The following ADGRB3 variants were observed in gnomAD, a reference collection of about 807,000 sequenced individuals.
ADGRB3 encodes the protein brain-specific angiogenesis inhibitor 3.
In ADGRB3, 37 loss-of-function variants were observed where a neutral mutation model predicts 193.4. The ratio of observed to expected loss-of-function variants is 0.19; its 90% CI spans 0.15 to 0.25. The LOEUF is 0.25. Ranked by LOEUF, ADGRB3 falls within the 10% of genes least tolerant of loss-of-function variation. The probability of loss-of-function intolerance (pLI) is 1.00; values close to 1 mark genes in which losing one functional copy is unlikely to be tolerated. For synonymous variants in ADGRB3, 690 were observed against 644.2 expected, an observed-to-expected ratio of 1.07 and a Z score of -1.08; for missense variants, 1,637 against 1,852.9, an observed-to-expected ratio of 0.88 and a Z score of 2.14.
intron 3 of ADGRB3, among the ~76,000 whole-genome samples, chr6:68,865,543 C>G (rs1356421334): frequency 6.6e-6 from 1 of 152,130 alleles, no homozygotes; most frequent in Non-Finnish European, 1.5e-5. Context: ...CAAGATCATA[C>G]TAAAACATTA....
chr6:69,016,708 A>G (rs1770102108), intron 12 of ADGRB3, among the ~76,000 whole-genome samples: 1 of 151,898 alleles, frequency 6.6e-6, no homozygotes. Flanking sequence ...TGGATCTTTA[A>G]GCTTGTAGGA....
In ADGRB3 at chr6:69,339,335, C is replaced by T. The variant is rs749140448; in HGVS notation, c.3290C>T (p.Ala1097Val). The T allele has an allele frequency of 1.2e-6, 2 of 1,613,438 alleles. No homozygotes were observed. The highest frequency in any genetic ancestry group is 1.1e-5 in the South Asian group (1 of 91,016). ...TGTTACTTTCTTGGTCTCAACAGGG[C>T]GTCTCTTTGGAGCTCCTGTGTGGTG... is the stretch of plus-strand genomic sequence containing the variant. ...LSATTASNAMASLWSSCVVLP... is the reference protein window; with the variant it reads ...LSATTASNAMVSLWSSCVVLP... Residue 1097 changes from alanine (A) to valine (V), a missense_variant and splice_region_variant, in exon 26 of 32, where the codon GCG becomes GTG. By Grantham distance (64) the Ala-to-Val change is moderately conservative. Coordinates refer to ENST00000370598, the MANE Select transcript of ADGRB3 (RefSeq NM_001704.3).
chr6:69,193,990 A>G (rs1582534632), intron 17 of ADGRB3, among the ~76,000 whole-genome samples: 1 of 152,074 alleles, frequency 6.6e-6, no homozygotes, highest in South Asian at 2.1e-4. Flanking sequence ...CTTCTTCATC[A>G]TCATTCATTT....
At chr6:68,769,069 G>A (rs576051557) in intron 3 of ADGRB3, among the ~76,000 whole-genome samples, 132 of 152,284 alleles carry the variant, frequency 8.7e-4, no homozygotes, top group Non-Finnish European at 5.4e-4. Flanking sequence ...GGAGAAATAG[G>A]AATGCTTTTA....
intron 17 of ADGRB3, among the ~76,000 whole-genome samples, chr6:69,196,940 G>A (rs561085576): frequency 1.3e-5 from 2 of 152,248 alleles, no homozygotes; most frequent in African/African-American, 4.8e-5. Flanking sequence ...TTGCAGGCAA[G>A]TTATTTTACC....
chr6:68,786,507 G>A (rs1026987749), intron 3 of ADGRB3, among the ~76,000 whole-genome samples: 2 of 151,470 alleles, frequency 1.3e-5, no homozygotes, highest in Admixed American at 6.6e-5. Context: ...TGTTCCATTG[G>A]TCTATATCTC....
chr6:69,287,229 A>G (rs894240228), intron 20 of ADGRB3, among the ~76,000 whole-genome samples: 1 of 152,160 alleles, frequency 6.6e-6, no homozygotes, highest in African/African-American at 2.4e-5. Context: ...TCAATTTCTG[A>G]GTCCACTCTG....
chr6:68,968,167 T>TA (rs1368087569), intron 8 of ADGRB3, among the ~76,000 whole-genome samples: 1 of 152,148 alleles, frequency 6.6e-6, no homozygotes, highest in Admixed American at 6.6e-5. Context: ...TATTTACTCT[T>TA]ACTCCCCACC....
chr6:69,315,154 G>A (rs1561985051), intron 20 of ADGRB3, among the ~76,000 whole-genome samples: 1 of 151,476 alleles, frequency 6.6e-6, no homozygotes, highest in Non-Finnish European at 1.5e-5. Flanking sequence ...AATATGGATA[G>A]TCATTAGAAA....
At chr6:68,645,882 C>T (rs1482074186) in intron 3 of ADGRB3, among the ~76,000 whole-genome samples, 2 of 151,824 alleles carry the variant, frequency 1.3e-5, no homozygotes, top group African/African-American at 4.8e-5. Context: ...CCATGTTAGC[C>T]AGGCTGGTCT....
chr6:69,221,992 A>G (rs1326250114), intron 17 of ADGRB3, among the ~76,000 whole-genome samples: 2 of 152,192 alleles, frequency 1.3e-5, no homozygotes, highest in African/African-American at 4.8e-5. Context: ...CAGTAAGAAA[A>G]AAAGAAATTC....
chr6:69,003,352 A>G (rs1394298095), intron 11 of ADGRB3, among the ~76,000 whole-genome samples: 2 of 151,962 alleles, frequency 1.3e-5, no homozygotes, highest in Non-Finnish European at 2.9e-5. Flanking sequence ...TATTTTTTTC[A>G]CTTATTATGG....
At position 69,007,705 on chromosome 6, in the gene ADGRB3, A is replaced by T. The variant is rs1219796449; in HGVS notation, c.1930-6333A>T. Reference sequence around the variant, plus strand: ...CTCTCTCTCTCTCTCACACACACACACACACACACACACACACACACACCC... The same window carrying T: ...CTCTCTCTCTCTCTCACACACACACTCACACACACACACACACACACACCC... On this transcript the variant is annotated intron_variant, in intron 11 of 31. Transcript: ENST00000370598. Among the ~76,000 whole-genome samples the T allele has an allele frequency of 9.3e-4, 140 of 151,324 alleles. 1 individual carries two copies. The highest frequency in any genetic ancestry group is 3.2e-3 in the African/African-American group (133 of 41,118).
At chr6:69,367,575 T>C (rs1028354808) in intron 29 of ADGRB3, among the ~76,000 whole-genome samples, 16 of 152,160 alleles carry the variant, frequency 1.1e-4, no homozygotes, top group African/African-American at 3.9e-4. Context: ...TGAGATGGTA[T>C]GTGATTGTGG....
At chr6:69,196,129 A>G (rs1047645326) in intron 17 of ADGRB3, among the ~76,000 whole-genome samples, 2 of 152,138 alleles carry the variant, frequency 1.3e-5, no homozygotes, top group Non-Finnish European at 2.9e-5. Context: ...GTCAGATGTA[A>G]ATTAAACCTT....
At chr6:68,898,053 G>C (rs929395634) in intron 3 of ADGRB3, among the ~76,000 whole-genome samples, 21 of 150,226 alleles carry the variant, frequency 1.4e-4, no homozygotes, top group Admixed American at 1.3e-4. Flanking sequence ...GACAGAGAAA[G>C]AGAGGTTTAT....
At chr6:68,865,951 T>C (rs1185050450) in intron 3 of ADGRB3, among the ~76,000 whole-genome samples, 1 of 152,182 alleles carries the variant, frequency 6.6e-6, no homozygotes, top group Non-Finnish European at 1.5e-5. Context: ...ATATGATTCT[T>C]ACACTACCTC....
chr6:68,990,295 G>A (rs935953789), intron 10 of ADGRB3, among the ~76,000 whole-genome samples: 3 of 152,096 alleles, frequency 2.0e-5, no homozygotes, highest in African/African-American at 4.8e-5. Flanking sequence ...AACTAAATAC[G>A]TTCTGGACAG....
chr6:69,004,707 CTCTT>C (rs1176241354), intron 11 of ADGRB3, among the ~76,000 whole-genome samples: 1 of 152,126 alleles, frequency 6.6e-6, no homozygotes, highest in Non-Finnish European at 1.5e-5. Context: ...CCCTGATTCA[CTCTT>C]TCTAACTTAA....
Sources: allele counts gnomAD v4.1 joint callset (sites outside exome capture counted in the v4.1 genomes callset), GRCh38; gene constraint gnomAD v4.1.1; transcripts MANE v1.5; gene names NCBI Gene and HGNC (gene_info 2026-07-23, HGNC 2026-07-21).